ECE1: variants seen among roughly 807,000 people sequenced by gnomAD.
ECE1 encodes endothelin converting enzyme 1, also known as endothelin-converting enzyme 1.
Under a neutral mutation model 98.6 loss-of-function variants are expected in ECE1, and 35 were observed. That is an observed-to-expected ratio of 0.35 (90% CI 0.27 to 0.47). ECE1 has a LOEUF of 0.47. ECE1 is among the 20% of genes least tolerant of loss of function. The pLI, the probability that ECE1 is intolerant of heterozygous loss-of-function variation, is 1.00. For synonymous variants in ECE1, 394 were observed against 407.1 expected (o/e 0.97, Z 0.39); for missense variants, 814 against 1,025.3 (o/e 0.79, Z 2.81).
rs966453739 is a variant in ECE1, at chr1:21,313,758, T to C, written c.4-23602A>G. ...TGTTCTCATCTATAAAATGGGGACA[T>C]GTGAACCTACTTCACTGGGCTATGG... On this transcript the variant is annotated intron_variant, in intron 1 of 18. Coordinates refer to the ECE1 transcript ENST00000415912. Among the ~76,000 whole-genome samples, 4 of 152,190 alleles carry C rather than the reference T, an allele frequency of 2.6e-5. No individual in the cohort carries two copies. The East Asian group carries it at 5.8e-4, about 22-fold the overall frequency.
At chr1:21,240,918 A>G (rs1034017686) in intron 10 of ECE1, among the ~76,000 whole-genome samples, 4 of 152,220 alleles carry the variant, frequency 2.6e-5, no homozygotes, top group African/African-American at 9.6e-5. Context: ...TCATTTACGC[A>G]TCCAGCGTTC....
chr1:21,298,300 C>T (rs1350138495), intron 1 of ECE1: 5 of 174,310 alleles, frequency 2.9e-5, no homozygotes, highest in Non-Finnish European at 6.3e-5. Flanking sequence ...CAGCTTAACG[C>T]GCTTTCCTCC....
At chr1:21,234,545 C>A (rs566295624) in intron 13 of ECE1, among the ~76,000 whole-genome samples, 1 of 151,996 alleles carries the variant, frequency 6.6e-6, no homozygotes, top group African/African-American at 2.4e-5. Flanking sequence ...GTGGTGCAAT[C>A]ACAGCTTGCT....
chr1:21,231,503 G>A (rs2098181699), intron 14 of ECE1, among the ~76,000 whole-genome samples: 4 of 151,994 alleles, frequency 2.6e-5, no homozygotes, highest in Admixed American at 2.6e-4. Flanking sequence ...CACCATGCGT[G>A]GCTAATTTTT....
intron 3 of ECE1, among the ~76,000 whole-genome samples, chr1:21,276,626 C>T (rs1470747280): frequency 2.0e-5 from 3 of 151,632 alleles, no homozygotes; most frequent in South Asian, 2.1e-4. Context: ...TAAGTAAACA[C>T]GTACTATGTG....
At chr1:21,278,170 A>C (rs2098249698) in intron 3 of ECE1, among the ~76,000 whole-genome samples, 1 of 152,226 alleles carries the variant, frequency 6.6e-6, no homozygotes, top group Admixed American at 6.5e-5. Flanking sequence ...TGCCATCAGA[A>C]GAATAGATGT....
In ECE1 at chr1:21,340,178, C is replaced by T. The variant is rs976031399; in HGVS notation, c.3+5198G>A. Among the ~76,000 whole-genome samples the T allele has an allele frequency of 5.9e-5, 9 of 152,224 alleles. No homozygotes were observed. The highest frequency in any genetic ancestry group is 1.4e-4 in the African/African-American group (6 of 41,446). The stretch of plus-strand genomic sequence containing the variant: ...TAGCATTTTCTACCTTATTTCAGAG[C>T]GATCTGGGAACTTGTTCTTTCTCCT... On this transcript the variant is annotated intron_variant, in intron 1 of 18. Coordinates refer to the ECE1 transcript ENST00000415912. This position sits in a 1 kb window ranked among gnomAD's most constrained non-coding sequence, Gnocchi z 4.6.
chr1:21,228,494 AT>A (rs1197360284), intron 14 of ECE1, among the ~76,000 whole-genome samples: 2 of 152,122 alleles, frequency 1.3e-5, no homozygotes, highest in Non-Finnish European at 2.9e-5. Context: ...GGGCCATTAG[AT>A]TTTGAAATAT....
intron 10 of ECE1, among the ~76,000 whole-genome samples, chr1:21,238,668 G>A (rs1324457282): frequency 6.6e-6 from 1 of 152,150 alleles, no homozygotes; most frequent in Non-Finnish European, 1.5e-5. Flanking sequence ...TGCCTCCTGG[G>A]AAGAGCAGGA....
intron 1 of ECE1, among the ~76,000 whole-genome samples, chr1:21,333,341 G>A (rs1279358212): frequency 1.3e-5 from 2 of 151,894 alleles, no homozygotes; most frequent in African/African-American, 4.8e-5. Flanking sequence ...CCGTGGGGGG[G>A]GCGGGGGGGT....
chr1:21,296,697 C>CAA (rs1488926404), intron 1 of ECE1, among the ~76,000 whole-genome samples: 3 of 152,200 alleles, frequency 2.0e-5, no homozygotes, highest in Non-Finnish European at 4.4e-5. Flanking sequence ...AGAAAGGAAG[C>CAA]AGCTTGCCAG....
intron 12 of ECE1, 125 bp downstream of exon 12, chr1:21,236,621 C>A (rs1442448458): frequency 7.4e-6 from 7 of 943,402 alleles, no homozygotes; most frequent in Non-Finnish European, 1.2e-5. Flanking sequence ...AGCACTCCAG[C>A]CTGGGTAACA....
chr1:21,339,669 G>C (rs576226065), intron 1 of ECE1, among the ~76,000 whole-genome samples: 10 of 152,214 alleles, frequency 6.6e-5, no homozygotes, highest in Non-Finnish European at 1.3e-4. Flanking sequence ...TTTCATACAA[G>C]CGCTCTAGCG....
chr1:21,289,218 C>A (rs1352460152), intron 2 of ECE1, among the ~76,000 whole-genome samples: 1 of 152,172 alleles, frequency 6.6e-6, no homozygotes, highest in Non-Finnish European at 1.5e-5. Context: ...TGCCCCAGCT[C>A]CTCTTTCTAC....
chr1:21,311,897 G>A lies in ECE1; in HGVS notation c.4-21741C>T, dbSNP rs188703134. ...CCAGCACTTTGGGAGGCTGAGGCGG[G>A]CAGATCACTTGAGGTCAGGAGTTCA... On this transcript the variant is annotated intron_variant, in intron 1 of 18. Coordinates refer to the ECE1 transcript ENST00000415912. Among the ~76,000 whole-genome samples, 757 of 152,188 alleles carry A rather than the reference G, an allele frequency of 5.0e-3. 9 individuals are homozygous for A. The highest frequency in any genetic ancestry group is 0.018 in the African/African-American group (732 of 41,500).
chr1:21,270,312 T>C (rs184590791), intron 4 of ECE1, among the ~76,000 whole-genome samples: 4 of 152,360 alleles, frequency 2.6e-5, no homozygotes, highest in African/African-American at 7.2e-5. Context: ...CATGGTACAG[T>C]GCACAGCGCA....
At chr1:21,298,839 G>C in intron 1 of ECE1, 1 of 456,248 alleles carries the variant, frequency 2.2e-6, no homozygotes, top group Non-Finnish European at 4.4e-6. Flanking sequence ...TACGACTTCA[G>C]GTGTCACCTC....
In ECE1 at chr1:21,235,610, T is replaced by A. The variant is rs1348765063; in HGVS notation, c.1566+240A>T. Among the ~76,000 whole-genome samples, 8 of 152,194 alleles carry A rather than the reference T, an allele frequency of 5.3e-5. No individual in the cohort carries two copies. The highest frequency in any genetic ancestry group is 1.2e-4 in the Non-Finnish European group (8 of 68,014). On this transcript the variant is annotated intron_variant, in intron 13 of 18. Coordinates refer to ENST00000374893, the MANE Select transcript of ECE1 (RefSeq NM_001397.3). This position sits in a 1 kb window ranked among gnomAD's most constrained non-coding sequence, Gnocchi z 4.2. ...ACAGCACGGGTTCTGTACTGACTGGTGGGCACTGCTGATGGATGGTGGCTA... is the reference window on the plus strand; with the variant it reads ...ACAGCACGGGTTCTGTACTGACTGGAGGGCACTGCTGATGGATGGTGGCTA...
At chr1:21,232,383 C>T (rs1452300749) in intron 14 of ECE1, among the ~76,000 whole-genome samples, 5 of 151,938 alleles carry the variant, frequency 3.3e-5, no homozygotes, top group East Asian at 1.9e-4. Flanking sequence ...ACTGCAGCTT[C>T]GACCTCCTGG....
Sources: allele counts gnomAD v4.1 joint callset (sites outside exome capture counted in the v4.1 genomes callset), GRCh38; gene constraint gnomAD v4.1.1; non-coding constraint Gnocchi (gnomAD v3.1); transcripts MANE v1.5; gene names NCBI Gene and HGNC (gene_info 2026-07-23, HGNC 2026-07-21).